ACADVL: variants seen among roughly 807,000 people sequenced by gnomAD.
ACADVL encodes the protein very long-chain acyl-CoA dehydrogenase, mitochondrial.
Under a neutral mutation model 80.4 loss-of-function variants are expected in ACADVL, and 73 were observed. The observed-to-expected ratio is 0.91, with a 90% CI of 0.75 to 1.10. The LOEUF is 1.10. ACADVL is among the 50% of genes least tolerant of loss of function. ACADVL has a pLI of 0.00. For synonymous variants in ACADVL, 392 were observed against 326.5 expected (o/e 1.20, Z -2.16); for missense variants, 878 against 858.9 (o/e 1.02, Z -0.28).
At position 7,224,394 on chromosome 17, in the gene ACADVL, G is replaced by T. The variant is rs2142988018; in HGVS notation, c.1605+1G>T. Reference sequence around the variant, plus strand: ...GGAGTTGAGTCGGAGTGGCGAGCTGGTAAGTGGCCAGGGGTCCAGGAGAGC... The same window carrying T: ...GGAGTTGAGTCGGAGTGGCGAGCTGTTAAGTGGCCAGGGGTCCAGGAGAGC... On this transcript the variant is annotated splice_donor_variant, in intron 16 of 19. Transcript: ENST00000356839. LOFTEE classifies it high-confidence loss of function. 6.2e-7 allele frequency: 1 copy of T among 1,613,796 alleles called. No homozygotes were observed. The highest frequency in any genetic ancestry group is 8.5e-7 in the Non-Finnish European group (1 of 1,179,876).
chr17:7,220,204 C>T lies in ACADVL; in HGVS notation c.138+7C>T, dbSNP rs1462406529. 2.0e-6 allele frequency: 3 copies of T among 1,531,520 alleles called. No homozygotes were observed. Among genetic ancestry groups the T allele is most frequent in the Admixed American group, 2.0e-5 (1 of 50,724 alleles). The allele number at this position is 1,531,520 out of a possible 1,614,324, so 94.9% of individuals were successfully genotyped here. A position where few individuals can be genotyped will look rare whatever the true frequency, so the allele number is the denominator to read the frequency against. On this transcript the variant is annotated splice_region_variant and intron_variant, in intron 2 of 19. Coordinates refer to ENST00000356839, the MANE Select transcript of ACADVL (RefSeq NM_000018.4). ...TGCCGGGGGTGCCGCTCAGGTAAGT[C>T]ACCGCAGCCTTGGCAAGGGGGTGTG...
In ACADVL at chr17:7,220,532, A is replaced by G; in HGVS notation, c.204+3A>G. The G allele has an allele frequency of 6.2e-7, 1 of 1,614,222 alleles. No homozygotes were observed. Among genetic ancestry groups the G allele is most frequent in the Non-Finnish European group, 8.5e-7 (1 of 1,180,040 alleles). ...CCAGGAAAAAACCGGCCAAGGCGGT[A>G]GGTAGCCCCGAGGCCAGGTGGACCT... On this transcript the variant is annotated splice_donor_region_variant and intron_variant, in intron 3 of 19. Coordinates refer to ENST00000356839, the MANE Select transcript of ACADVL (RefSeq NM_000018.4).
At chr17:7,222,891 G>C in intron 10 of ACADVL, 26 bp downstream of exon 10, 1 of 1,607,554 alleles carries the variant, frequency 6.2e-7, no homozygotes, top group Non-Finnish European at 8.5e-7. Context: ...GAGTCCCTAG[G>C]TAACCCAAAC....
In ACADVL at chr17:7,220,105, A is replaced by AC. The variant is rs1305484710; in HGVS notation, c.63-12dup. The AC allele has an allele frequency of 1.9e-6, 3 of 1,584,888 alleles. No individual in the cohort carries two copies. The highest frequency in any genetic ancestry group is 2.3e-5 in the South Asian group (2 of 88,802). ...GCCCTGGGCACCGGGCCGGCACTGA[A>AC]CCCCCACTCCCCACAGCTCGCGGCT... On this transcript the variant is annotated splice_polypyrimidine_tract_variant and intron_variant, in intron 1 of 19. Coordinates refer to ENST00000356839, the MANE Select transcript of ACADVL (RefSeq NM_000018.4).
chr17:7,223,929 T>C (rs1301774407), intron 13 of ACADVL, 39 bp from the exon 14 acceptor site: 2 of 1,613,654 alleles, frequency 1.2e-6, no homozygotes, highest in Admixed American at 3.3e-5. Context: ...GGTAGGCACA[T>C]CTCAGCACGG....
upstream of ACADVL, chr17:7,219,639 C>T (rs2071087371): frequency 8.0e-7 from 1 of 1,251,506 alleles, no homozygotes; most frequent in Non-Finnish European, 1.0e-6. Flanking sequence ...CCGGAGAAGC[C>T]CTCCCTTCAG....
rs2071226494 is a variant in ACADVL, at chr17:7,221,556, A to G, written c.496A>G (p.Ile166Val). 1 of 1,613,904 alleles carries G rather than the reference A, an allele frequency of 6.2e-7. No individual in the cohort carries two copies. The highest frequency in any genetic ancestry group is 8.5e-7 in the Non-Finnish European group (1 of 1,180,010). Reference sequence around the variant, plus strand: ...CCTCCAGTACGCCCGTTTGGTGGAGATCGTGGGCATGCATGACCTTGGCGT... The same window carrying G: ...CCTCCAGTACGCCCGTTTGGTGGAGGTCGTGGGCATGCATGACCTTGGCGT... ...CNTQYARLVE[I>V]VGMHDLGVGI... Residue 166 changes from isoleucine (I) to valine (V), a missense_variant, in exon 7 of 20, where the codon ATC (isoleucine) becomes GTC (valine). Ile to Val is a conservative substitution (Grantham distance 29). Coordinates refer to ENST00000356839, the MANE Select transcript of ACADVL (RefSeq NM_000018.4).
At chr17:7,223,015 C>G (rs574195152) in intron 10 of ACADVL, 118 bp from the exon 11 acceptor site, 3 of 1,434,822 alleles carry the variant, frequency 2.1e-6, no homozygotes, top group Non-Finnish European at 2.9e-6. Context: ...CTCCATCCAG[C>G]GTAGACTGAA....
chr17:7,222,846 G>A lies in ACADVL; in HGVS notation c.1058G>A (p.Arg353Lys), dbSNP rs2071296765. Residue 353 changes from arginine to lysine, a missense_variant, in exon 10 of 20, where the codon AGA becomes AAA. Coordinates refer to ENST00000356839, the MANE Select transcript of ACADVL (RefSeq NM_000018.4). The part of the protein sequence containing the change: ...GMAAALAGTM[R>K]GIIAKAVDHA... ...GCTGCGGCCCTGGCAGGTACCATGA[G>A]AGGCATCATTGCTAAGGCGGTGAGT... is the stretch of plus-strand genomic sequence containing the variant. 3 of 1,612,670 alleles carry A rather than the reference G, an allele frequency of 1.9e-6. No individual in the cohort carries two copies. Among genetic ancestry groups the A allele is most frequent in the Non-Finnish European group, 2.5e-6 (3 of 1,179,996 alleles).
chr17:7,217,689 C>T (rs938695175), upstream of ACADVL: 13 of 1,524,120 alleles, frequency 8.5e-6, no homozygotes, highest in African/African-American at 1.4e-4. Flanking sequence ...GGTGCCTTGG[C>T]AGAGTTAACT....
Position 7,222,654 on chromosome 17 carries a change from T to C in ACADVL, c.879-13T>C, listed in dbSNP as rs764180823. 51 of 1,610,778 alleles carry C rather than the reference T, an allele frequency of 3.2e-5. No homozygotes were observed. Among genetic ancestry groups the C allele is most frequent in the Non-Finnish European group, 4.1e-5 (48 of 1,178,162 alleles). The stretch of plus-strand genomic sequence containing the variant: ...TGAACACACCTCTGCTTTCCCACAC[T>C]GCCCTGACACAGTGGGCCCCCTGAG... On this transcript the variant is annotated splice_polypyrimidine_tract_variant and intron_variant, in intron 9 of 19. Transcript: ENST00000356839.
rs753444680 is a variant in ACADVL, at chr17:7,221,641, C to G, written c.581C>G (p.Thr194Arg). 6.2e-7 allele frequency: 1 copy of G among 1,614,014 alleles called. No individual in the cohort carries two copies. The highest frequency in any genetic ancestry group is 1.1e-5 in the South Asian group (1 of 91,086). The change falls in exon 7 of 20, where the codon ACA (threonine) becomes AGA (arginine). Residue 194 changes from threonine to arginine, a missense_variant. Thr to Arg is a moderately conservative substitution (Grantham distance 71). Coordinates refer to ENST00000356839, the MANE Select transcript of ACADVL (RefSeq NM_000018.4). ...IGFKGILLFG[T>R]KAQKEKYLPK... ...TTCAAAGGCATCCTGCTCTTTGGCA[C>G]AAAGGCCCAGAAAGAAAAATACCTC...
intron 7 of ACADVL, 37 bp from the exon 8 acceptor site, chr17:7,221,915 A>G: frequency 7.4e-6 from 12 of 1,613,864 alleles, no homozygotes; most frequent in Non-Finnish European, 1.0e-5. Flanking sequence ...TTTGAAGCTC[A>G]TCAGAACTTG....
At chr17:7,222,102 C>T (rs756496176) in intron 8 of ACADVL, 21 bp downstream of exon 8, 8 of 1,614,052 alleles carry the variant, frequency 5.0e-6, no homozygotes, top group Non-Finnish European at 6.8e-6. Context: ...TCCCATTTCT[C>T]CCCTTCTCCT....
chr17:7,220,056 TGACAAGAGG>T lies in ACADVL; in HGVS notation c.62+14_62+22del, dbSNP rs1228344721. The T allele has an allele frequency of 1.2e-6, 2 of 1,602,054 alleles. No individual in the cohort carries two copies. Among genetic ancestry groups the T allele is most frequent in the Non-Finnish European group, 1.7e-6 (2 of 1,178,642 alleles). ...GGCTCGGGGGCGGAAGGTCTGTGTGTGACAAGAGGGACGGTGGGCAGCGGCCCTGGGCAC... is the reference window on the plus strand; with the variant it reads ...GGCTCGGGGGCGGAAGGTCTGTGTGTGACGGTGGGCAGCGGCCCTGGGCAC... On this transcript the variant is annotated intron_variant, in intron 1 of 19. Coordinates refer to ENST00000356839, the MANE Select transcript of ACADVL (RefSeq NM_000018.4).
chr17:7,222,533 G>A, intron 9 of ACADVL, 134 bp from the exon 10 acceptor site: 1 of 1,172,754 alleles, frequency 8.5e-7, no homozygotes, highest in Non-Finnish European at 1.2e-6. Context: ...GGCCTGAGGG[G>A]AAGTGGTGGC....
At chr17:7,224,431 AC>A (rs1567568627) in intron 16 of ACADVL, 38 bp downstream of exon 16, 4 of 1,613,714 alleles carry the variant, frequency 2.5e-6, no homozygotes, top group Non-Finnish European at 1.7e-6. Context: ...TGCATCAGGG[AC>A]TGCAGCCGAT....
At position 7,220,803 on chromosome 17, in the gene ACADVL, G is replaced by T. The variant is rs754620326; in HGVS notation, c.315G>T (p.Leu105=). Residue 105 remains leucine (L), a synonymous_variant, in exon 5 of 20, where the codon CTG becomes CTT. Coordinates refer to ENST00000356839, the MANE Select transcript of ACADVL (RefSeq NM_000018.4). ...AGCAGACACAGTTTCTTAAAGAGCT[G>T]GTGGAGCCTGTGTCCCGTTTCTTCG... ...NEEQTQFLKE[L]VEPVSRFFEE... 51 of 1,614,012 alleles carry T rather than the reference G, an allele frequency of 3.2e-5. No individual in the cohort carries two copies. The East Asian group carries it at 1.0e-3, about 32-fold the overall frequency.
At chr17:7,218,516 G>C (rs1163188940), upstream of ACADVL, 1 of 1,550,956 alleles carries the variant, frequency 6.4e-7, no homozygotes, top group Non-Finnish European at 8.7e-7. Context: ...GGAGGCCCAG[G>C]TCCCTCAGAA....
Sources: allele counts gnomAD v4.1 joint callset, GRCh38; gene constraint gnomAD v4.1.1; transcripts MANE v1.5; gene names NCBI Gene and HGNC (gene_info 2026-07-23, HGNC 2026-07-21).